SPINK2: variants seen among roughly 807,000 people sequenced by gnomAD.
SPINK2 encodes serine peptidase inhibitor Kazal type 2, also known as serine protease inhibitor Kazal-type 2.
Under a neutral mutation model 13.5 loss-of-function variants are expected in SPINK2, and 8 were observed. The ratio of observed to expected loss-of-function variants is 0.59; its 90% confidence interval spans 0.35 to 1.07. The LOEUF (loss-of-function observed/expected upper bound fraction) is 1.07. Among genes scored for constraint, SPINK2 ranks in the 50% least tolerant of loss-of-function variants. The pLI is 0.02. For missense variants in SPINK2, 148 were observed against 180.3 expected (o/e 0.82, Z 1.03); for synonymous variants, 76 against 74.7 (o/e 1.02, Z -0.09).
chr4:56,818,047 G>A (rs1304015235), intron 2 of SPINK2, among the ~76,000 whole-genome samples: 4 of 152,186 alleles, frequency 2.6e-5, no homozygotes, highest in Non-Finnish European at 5.9e-5. Flanking sequence ...TGAAGCAGCA[G>A]TGTGTAGCAG....
Position 56,820,579 on chromosome 4 carries a change from G to T in SPINK2, c.206C>A (p.Ala69Asp), listed in dbSNP as rs754935715. ...CAGACCAAATTGAGGGATCAGAGAG[G>T]CTGTAAGAAGAAAGCATAGACATTT... is the stretch of plus-strand genomic sequence containing the variant. ...VTGGSPEDLP[A>D]SLIPQFGLFS... The change falls in exon 2 of 4, where the codon GCC becomes GAC. Residue 69 changes from alanine to aspartate, a missense_variant and splice_region_variant. Coordinates refer to ENST00000506738, the MANE Select transcript of SPINK2 (RefSeq NM_001271718.2). The T allele has an allele frequency of 5.0e-6, 8 of 1,607,812 alleles. No homozygotes were observed. The Admixed American group carries it at 1.3e-4, about 27-fold the overall frequency.
chr4:56,815,536 C>T (rs1399058230), intron 2 of SPINK2, among the ~76,000 whole-genome samples: 2 of 151,828 alleles, frequency 1.3e-5, no homozygotes, highest in Non-Finnish European at 2.9e-5. Context: ...CCTGCCTGTA[C>T]TAAAAATGCA....
At position 56,810,134 on chromosome 4, in the gene SPINK2, C is replaced by T; in HGVS notation, c.*5G>A. ...TCTCCATCTTCTTTTCTGTAAACTG[C>T]TCCATCAGCAGGGTCCATTTCGAAT... On this transcript the variant is annotated 3_prime_UTR_variant, in exon 4 of 4. Transcript: ENST00000506738. 6.2e-7 allele frequency: 1 copy of T among 1,607,472 alleles called. No individual in the cohort carries two copies.
Position 56,820,582 on chromosome 4 carries a change from G to A in SPINK2, c.206-3C>T, listed in dbSNP as rs577163578. ...ACCAAATTGAGGGATCAGAGAGGCT[G>A]TAAGAAGAAAGCATAGACATTTTAC... On this transcript the variant is annotated splice_polypyrimidine_tract_variant and splice_region_variant and intron_variant, in intron 1 of 3. Coordinates refer to ENST00000506738, the MANE Select transcript of SPINK2 (RefSeq NM_001271718.2). The A allele has an allele frequency of 1.9e-6, 3 of 1,607,072 alleles. No homozygotes were observed. Among genetic ancestry groups the A allele is most frequent in the Middle Eastern group, 1.9e-4 (1 of 5,310 alleles).
chr4:56,820,645 T>G, intron 1 of SPINK2, 66 bp from the exon 2 acceptor site: 1 of 1,402,208 alleles, frequency 7.1e-7, no homozygotes, highest in Non-Finnish European at 9.9e-7. Flanking sequence ...CATGAAGTTT[T>G]TTTTTTTTTT....
upstream of SPINK2, chr4:56,821,766 G>T: frequency 8.1e-7 from 1 of 1,231,580 alleles, no homozygotes; most frequent in Non-Finnish European, 1.1e-6. Context: ...AAGGGGCGGG[G>T]CGAGAATGGG....
chr4:56,821,262 C>G, intron 1 of SPINK2, 196 bp downstream of exon 1: 1 of 976,284 alleles, frequency 1.0e-6, no homozygotes, highest in South Asian at 4.7e-5. Flanking sequence ...ATTCCTCATT[C>G]CTGCACATCT....
intron 2 of SPINK2, among the ~76,000 whole-genome samples, chr4:56,816,081 C>T (rs1034557493): frequency 6.6e-6 from 1 of 151,760 alleles, no homozygotes; most frequent in African/African-American, 2.4e-5. Flanking sequence ...CTAGCATGAG[C>T]CACAGAACAA....
chr4:56,811,892 A>T, intron 2 of SPINK2, 98 bp from the exon 3 acceptor site: 1 of 448,030 alleles, frequency 2.2e-6, no homozygotes, highest in Non-Finnish European at 3.8e-6. Flanking sequence ...TAGATTTCCT[A>T]GAATCATTTA....
At chr4:56,818,351 A>T (rs145978351) in intron 2 of SPINK2, 1 of 152,166 alleles carries the variant, frequency 6.6e-6, no homozygotes. Flanking sequence ...TCCTTTTAAC[A>T]ATCTTGTCAA....
chr4:56,821,243 G>A, intron 1 of SPINK2: 1 of 930,912 alleles, frequency 1.1e-6, no homozygotes, highest in Non-Finnish European at 1.3e-6. Context: ...TTTCTCGTAA[G>A]CATCCACAAT....
At chr4:56,813,395 C>A (rs1364023108) in intron 2 of SPINK2, among the ~76,000 whole-genome samples, 1 of 152,104 alleles carries the variant, frequency 6.6e-6, no homozygotes, top group Non-Finnish European at 1.5e-5. Context: ...GACCTTTATA[C>A]TCTAGAGCAG....
chr4:56,811,384 C>G (rs867809235), intron 3 of SPINK2, among the ~76,000 whole-genome samples: 30 of 152,028 alleles, frequency 2.0e-4, no homozygotes, highest in South Asian at 8.3e-4. Flanking sequence ...TTTGGGAGGC[C>G]AAGGCGGGTG....
chr4:56,815,379 C>G (rs1717349030), intron 2 of SPINK2, among the ~76,000 whole-genome samples: 3 of 151,986 alleles, frequency 2.0e-5, no homozygotes, highest in Admixed American at 2.0e-4. Flanking sequence ...ATAAAATGCA[C>G]CTAGATTGGA....
At chr4:56,821,703 C>T, upstream of SPINK2, 2 of 1,435,466 alleles carry the variant, frequency 1.4e-6, no homozygotes, top group Non-Finnish European at 1.8e-6. Context: ...CGGTCTGTTA[C>T]CTGCGCCACT....
Position 56,821,575 on chromosome 4 carries a change from G to A in SPINK2, c.88C>T (p.Pro30Ser), listed in dbSNP as rs1465418537. ...SARSGPGERGPPEKSGFGSQT... is the reference protein window; with the variant it reads ...SARSGPGERGSPEKSGFGSQT... ...CTCCCAAACCCGCTTTTCTCCGGAGGTCCCCGCTCGCCAGGACCGCTCCGA... is the reference window on the plus strand; with the variant it reads ...CTCCCAAACCCGCTTTTCTCCGGAGATCCCCGCTCGCCAGGACCGCTCCGA... The change falls in exon 1 of 4, where the codon CCT (proline) becomes TCT (serine). Residue 30 changes from proline (P) to serine (S), a missense_variant. By Grantham distance (74) the Pro-to-Ser change is moderately conservative. Transcript: ENST00000506738. The A allele has an allele frequency of 1.3e-6, 2 of 1,548,110 alleles. No homozygotes were observed. Among genetic ancestry groups the A allele is most frequent in the Non-Finnish European group, 8.7e-7 (1 of 1,146,770 alleles).
chr4:56,812,336 C>T (rs1717056087), intron 2 of SPINK2, among the ~76,000 whole-genome samples: 1 of 151,692 alleles, frequency 6.6e-6, no homozygotes, highest in African/African-American at 2.4e-5. Flanking sequence ...GGGCAGATCA[C>T]CCGAGACTGG....
In SPINK2 at chr4:56,809,981, A is replaced by G; in HGVS notation, c.*158T>C. The stretch of plus-strand genomic sequence containing the variant: ...GATTCTTTTTTTCTTTAAATTATCC[A>G]TCACTACACATGGCTGTCTTCCATA... On this transcript the variant is annotated 3_prime_UTR_variant, in exon 4 of 4. Coordinates refer to ENST00000506738, the MANE Select transcript of SPINK2 (RefSeq NM_001271718.2). 3.4e-6 allele frequency: 5 copies of G among 1,487,602 alleles called. No homozygotes were observed. Among genetic ancestry groups the G allele is most frequent in the Non-Finnish European group, 4.4e-6 (5 of 1,125,194 alleles). 92.2% of individuals were successfully genotyped at this position (1,487,602 alleles called of 1,614,324 possible). A position where few individuals can be genotyped will look rare whatever the true frequency, so the allele number is the denominator to read the frequency against.
upstream of SPINK2, chr4:56,821,770 G>A (rs1010047771): frequency 5.8e-5 from 69 of 1,198,832 alleles, 1 homozygote; most frequent in Non-Finnish European, 7.6e-5. Context: ...GGCGGGGCGA[G>A]AATGGGAGGA....
Sources: gnomAD v4.1 joint callset for allele counts (sites outside exome capture counted in the v4.1 genomes callset) on GRCh38, gnomAD v4.1.1 for gene constraint, MANE v1.5 for transcripts, NCBI Gene and HGNC (gene_info 2026-07-23, HGNC 2026-07-21) for gene names.